UBXN2A: variants seen among roughly 807,000 people sequenced by gnomAD.
UBXN2A encodes the protein UBX domain protein 2A.
Under a neutral mutation model 28.4 loss-of-function variants are expected in UBXN2A, and 28 were observed. The ratio of observed to expected loss-of-function variants is 0.99; its 90% CI spans 0.73 to 1.35. UBXN2A has a LOEUF of 1.35. Among genes scored for constraint, UBXN2A ranks in the 40% most tolerant of loss-of-function variants. The probability of loss-of-function intolerance (pLI) is 0.00; values close to 1 mark genes in which losing one functional copy is unlikely to be tolerated. For synonymous variants in UBXN2A, 97 were observed against 103.6 expected, an observed-to-expected ratio of 0.94 and a Z score of 0.39; for missense variants, 253 against 297.9, an observed-to-expected ratio of 0.85 and a Z score of 1.11.
chr2:23,979,310 A>T (rs1343989958), intron 4 of UBXN2A, among the ~76,000 whole-genome samples: 2 of 151,922 alleles, frequency 1.3e-5, no homozygotes. Context: ...ATGCTACTGC[A>T]CTCCAGCCTG....
chr2:23,953,208 G>T (rs1370065510), intron 1 of UBXN2A, among the ~76,000 whole-genome samples: 4 of 152,064 alleles, frequency 2.6e-5, no homozygotes, highest in African/African-American at 9.7e-5. Flanking sequence ...TGAAATTGCG[G>T]TATAGCACTC....
rs1044687293 is a variant in UBXN2A at position 24,001,921 on chromosome 2, C to T, written c.*2054C>T. The T allele has an allele frequency of 1.3e-5, 2 of 148,314 alleles. No individual in the cohort carries two copies. Among genetic ancestry groups the T allele is most frequent in the Non-Finnish European group, 3.0e-5 (2 of 66,680 alleles). The allele number at this position is 148,314 out of a possible 1,614,324, so 9.2% of individuals were successfully genotyped here. Reference sequence around the variant, plus strand: ...GGTTTCAGTGAGCCGAGATTGCGCCCCTGCACTCCAGCCTGGTGACGGAGC... The same window carrying T: ...GGTTTCAGTGAGCCGAGATTGCGCCTCTGCACTCCAGCCTGGTGACGGAGC... On this transcript the variant is annotated 3_prime_UTR_variant, in exon 7 of 7. Coordinates refer to ENST00000309033, the MANE Select transcript of UBXN2A (RefSeq NM_181713.4).
intron 6 of UBXN2A, among the ~76,000 whole-genome samples, chr2:23,993,741 G>A (rs908334945): frequency 1.4e-5 from 2 of 146,604 alleles, no homozygotes; most frequent in South Asian, 2.1e-4. Context: ...TGGTTGGAGC[G>A]CAGCGGAGTG....
chr2:23,943,898 C>T, intron 1 of UBXN2A: 1 of 412,236 alleles, frequency 2.4e-6, no homozygotes. Context: ...TCCGAGCGCA[C>T]TTTAGCCCTC....
chr2:23,956,046 G>A (rs1393546712), intron 1 of UBXN2A, among the ~76,000 whole-genome samples: 5 of 152,084 alleles, frequency 3.3e-5, no homozygotes, highest in African/African-American at 1.2e-4. Flanking sequence ...TGTATTTTTA[G>A]TAGAGATGGG....
At chr2:23,980,336 A>G (rs1028601265) in intron 4 of UBXN2A, among the ~76,000 whole-genome samples, 4 of 152,162 alleles carry the variant, frequency 2.6e-5, no homozygotes, top group Non-Finnish European at 5.9e-5. Context: ...GTTAACTCTT[A>G]TATTAACTTT....
At chr2:23,944,962 A>G (rs2150804430) in intron 1 of UBXN2A, among the ~76,000 whole-genome samples, 1 of 152,344 alleles carries the variant, frequency 6.6e-6, no homozygotes, top group South Asian at 2.1e-4. Context: ...AGATCCAGAA[A>G]ATTATTGAAT....
At chr2:23,993,725 G>A (rs1327406664) in intron 6 of UBXN2A, among the ~76,000 whole-genome samples, 1 of 134,010 alleles carries the variant, frequency 7.5e-6, no homozygotes, top group Non-Finnish European at 1.6e-5. Flanking sequence ...GTCTTGCTCT[G>A]TCACCTGGTT....
chr2:23,982,836 G>T, intron 4 of UBXN2A, 60 bp from the exon 5 acceptor site: 1 of 1,515,454 alleles, frequency 6.6e-7, no homozygotes, highest in Non-Finnish European at 8.8e-7. Context: ...TGTACAGAAT[G>T]TTTTTCAGAG....
chr2:23,998,864 G>C (rs2150925975), intron 6 of UBXN2A, among the ~76,000 whole-genome samples: 1 of 152,256 alleles, frequency 6.6e-6, no homozygotes, highest in South Asian at 2.1e-4. Flanking sequence ...CCGAGCAGCT[G>C]GACCTGTCTT....
Position 23,999,866 on chromosome 2 carries a change from G to A in UBXN2A, c.779G>A (p.Ter260=), listed in dbSNP as rs1708677047. 1 of 1,607,790 alleles carries A rather than the reference G, an allele frequency of 6.2e-7. No individual in the cohort carries two copies. The highest frequency in any genetic ancestry group is 8.5e-7 in the Non-Finnish European group (1 of 1,177,258). Reference sequence around the variant, plus strand: ...TCTTTTAGAGAACTTTCAGAGCACTGATTTTTGATAGACTAAGTGGAAAAT... The same window carrying A: ...TCTTTTAGAGAACTTTCAGAGCACTAATTTTTGATAGACTAAGTGGAAAAT... The part of the protein sequence containing the change: ...TASFRELSEH[*] The change falls in exon 7 of 7, where the codon TGA becomes TAA. Residue 260 remains the stop codon, a stop_retained_variant. Coordinates refer to ENST00000309033, the MANE Select transcript of UBXN2A (RefSeq NM_181713.4).
At chr2:23,951,771 A>G (rs1327801175) in intron 1 of UBXN2A, among the ~76,000 whole-genome samples, 1 of 152,022 alleles carries the variant, frequency 6.6e-6, no homozygotes, top group Non-Finnish European at 1.5e-5. Context: ...ATTTCTTAAA[A>G]AAGAAACAAA....
intron 1 of UBXN2A, among the ~76,000 whole-genome samples, chr2:23,955,028 G>A (rs1393424030): frequency 1.3e-5 from 2 of 151,264 alleles, no homozygotes; most frequent in African/African-American, 2.4e-5. Flanking sequence ...CACCTCCCGG[G>A]TTCAGGCCAT....
intron 6 of UBXN2A, among the ~76,000 whole-genome samples, chr2:23,995,981 C>T (rs530991369): frequency 6.6e-6 from 1 of 151,332 alleles, no homozygotes; most frequent in African/African-American, 2.4e-5. Context: ...CTGCAACCTG[C>T]ACCACCTCCC....
chr2:23,997,692 T>TGCCTCG (rs1368788278), intron 6 of UBXN2A, among the ~76,000 whole-genome samples: 1 of 152,066 alleles, frequency 6.6e-6, no homozygotes, highest in Non-Finnish European at 1.5e-5. Context: ...GTGATCTGCC[T>TGCCTCG]GCCTCGGCCT....
intron 2 of UBXN2A, among the ~76,000 whole-genome samples, chr2:23,959,983 T>C (rs925160489): frequency 2.0e-5 from 3 of 152,092 alleles, no homozygotes; most frequent in Non-Finnish European, 4.4e-5. Context: ...CCGGGCGCAG[T>C]GCCTCATGCC....
chr2:23,961,465 T>C (rs1573559450), intron 2 of UBXN2A, among the ~76,000 whole-genome samples: 1 of 152,106 alleles, frequency 6.6e-6, no homozygotes, highest in African/African-American at 2.4e-5. Flanking sequence ...TATAATTTTC[T>C]TTGTAACAAA....
At chr2:23,928,454 G>A (rs1293400309) in intron 1 of UBXN2A, among the ~76,000 whole-genome samples, 1 of 151,970 alleles carries the variant, frequency 6.6e-6, no homozygotes, top group Admixed American at 6.6e-5. Flanking sequence ...GTGCATGCCT[G>A]TAATCCCAGC....
At chr2:23,946,504 A>G (rs1706087479) in intron 1 of UBXN2A, among the ~76,000 whole-genome samples, 3 of 151,158 alleles carry the variant, frequency 2.0e-5, no homozygotes, top group Admixed American at 2.0e-4. Context: ...TTGTATTTTA[A>G]TAGAGACGGG....
Sources: allele counts gnomAD v4.1 joint callset (sites outside exome capture counted in the v4.1 genomes callset), GRCh38; gene constraint gnomAD v4.1.1; transcripts MANE v1.5; gene names NCBI Gene and HGNC (gene_info 2026-07-23, HGNC 2026-07-21).